ATF6: variants seen among roughly 807,000 people sequenced by gnomAD.
ATF6 encodes activating transcription factor 6.
ATF6 carries 53 observed loss-of-function variants against 83.6 expected under a neutral mutation model. That is an observed-to-expected ratio of 0.63 (90% CI 0.51 to 0.80). ATF6 has a LOEUF of 0.80. Ranked by LOEUF, ATF6 falls within the 30% of genes least tolerant of loss-of-function variation. The pLI, the probability that ATF6 is intolerant of heterozygous loss-of-function variation, is 0.00. For synonymous variants in ATF6, 288 were observed against 285.8 expected, an observed-to-expected ratio of 1.01 and a Z score of -0.08; for missense variants, 744 against 797.9, an observed-to-expected ratio of 0.93 and a Z score of 0.81.
At chr1:161,927,387 T>C (rs1688340171) in intron 15 of ATF6, among the ~76,000 whole-genome samples, 1 of 152,192 alleles carries the variant, frequency 6.6e-6, no homozygotes, top group Non-Finnish European at 1.5e-5. Context: ...CAGGCTGGTC[T>C]CAAACTCCTG....
chr1:161,781,907 T>C lies in ATF6; in HGVS notation c.160-5T>C. 6.3e-7 allele frequency: 1 copy of C among 1,592,404 alleles called. No homozygotes were observed. The highest frequency in any genetic ancestry group is 8.6e-7 in the Non-Finnish European group (1 of 1,164,944). ...AATATTCTTTTGCTGATTTGAAACCTACAGGAAAACAATTTTGATAATCTT... is the reference window on the plus strand; with the variant it reads ...AATATTCTTTTGCTGATTTGAAACCCACAGGAAAACAATTTTGATAATCTT... On this transcript the variant is annotated splice_polypyrimidine_tract_variant and splice_region_variant and intron_variant, in intron 2 of 15. Transcript: ENST00000367942.
At chr1:161,814,191 A>C (rs1685550532) in intron 7 of ATF6, among the ~76,000 whole-genome samples, 1 of 152,182 alleles carries the variant, frequency 6.6e-6, no homozygotes. Context: ...GCCTCCATCA[A>C]GTATTTCTGA....
At chr1:161,829,538 C>T (rs1462002179) in intron 9 of ATF6, among the ~76,000 whole-genome samples, 2 of 152,004 alleles carry the variant, frequency 1.3e-5, no homozygotes, top group Non-Finnish European at 2.9e-5. Flanking sequence ...TGATGAACAT[C>T]GATGAAAAAA....
intron 15 of ATF6, among the ~76,000 whole-genome samples, chr1:161,943,899 A>T (rs1214812361): frequency 6.6e-6 from 1 of 152,108 alleles, no homozygotes; most frequent in African/African-American, 2.4e-5. Flanking sequence ...CTCGCTTACC[A>T]TCTGCTCACT....
chr1:161,863,353 G>C (rs758589945), intron 14 of ATF6, 41 bp downstream of exon 14: 6 of 1,315,768 alleles, frequency 4.6e-6, no homozygotes, highest in Non-Finnish European at 5.5e-6. Flanking sequence ...ATTTTTGAGT[G>C]CTTGCCGTAC....
At chr1:161,830,179 G>C (rs939469922) in intron 9 of ATF6, among the ~76,000 whole-genome samples, 2 of 152,164 alleles carry the variant, frequency 1.3e-5, no homozygotes, top group African/African-American at 4.8e-5. Flanking sequence ...GCCAAATCAT[G>C]AGTGAACTCC....
chr1:161,795,387 A>G (rs1252385330), intron 6 of ATF6, among the ~76,000 whole-genome samples: 1 of 152,158 alleles, frequency 6.6e-6, no homozygotes, highest in Non-Finnish European at 1.5e-5. Flanking sequence ...TTCAAATAAT[A>G]TTTACACATT....
At chr1:161,944,708 T>A (rs1571255059) in intron 15 of ATF6, among the ~76,000 whole-genome samples, 1 of 152,322 alleles carries the variant, frequency 6.6e-6, no homozygotes, top group South Asian at 2.1e-4. Flanking sequence ...CTCTCACCAC[T>A]GCCTCCTCAG....
At chr1:161,811,405 A>G (rs951494185) in intron 7 of ATF6, among the ~76,000 whole-genome samples, 6 of 152,286 alleles carry the variant, frequency 3.9e-5, no homozygotes, top group Non-Finnish European at 8.8e-5. Context: ...TCCCTTGAGT[A>G]TGAGATCTAA....
intron 15 of ATF6, among the ~76,000 whole-genome samples, chr1:161,920,253 A>T (rs1038597201): frequency 1.3e-5 from 2 of 149,236 alleles, no homozygotes; most frequent in Non-Finnish European, 1.5e-5. Context: ...TTTAATTTTT[A>T]AAAAATACAT....
chr1:161,781,813 G>A, intron 2 of ATF6, 99 bp from the exon 3 acceptor site: 3 of 708,926 alleles, frequency 4.2e-6, no homozygotes, highest in Non-Finnish European at 7.0e-6. Context: ...TTGGCTAATA[G>A]CAGTTAAATT....
intron 10 of ATF6, among the ~76,000 whole-genome samples, chr1:161,848,618 A>G (rs1686537427): frequency 6.6e-6 from 1 of 152,160 alleles, no homozygotes; most frequent in Non-Finnish European, 1.5e-5. Flanking sequence ...AGTAATAATT[A>G]CATCAGAATA....
intron 9 of ATF6, among the ~76,000 whole-genome samples, chr1:161,836,926 C>G (rs917067754): frequency 1.3e-5 from 2 of 152,138 alleles, no homozygotes; most frequent in Non-Finnish European, 1.5e-5. Flanking sequence ...CGGTGAGAAA[C>G]TAGGCCAGGT....
intron 8 of ATF6, 40 bp downstream of exon 8, chr1:161,819,858 G>A: frequency 6.6e-7 from 1 of 1,510,290 alleles, no homozygotes; most frequent in Non-Finnish European, 8.9e-7. Context: ...ATGGGCTAAA[G>A]TATCCTCTGG....
At chr1:161,900,240 A>G (rs1687754970) in intron 14 of ATF6, among the ~76,000 whole-genome samples, 2 of 152,192 alleles carry the variant, frequency 1.3e-5, no homozygotes, top group Non-Finnish European at 2.9e-5. Flanking sequence ...ATAGCCAGAA[A>G]TATGCTGTAG....
intron 15 of ATF6, among the ~76,000 whole-genome samples, chr1:161,953,101 G>T (rs1359012996): frequency 6.6e-6 from 1 of 152,148 alleles, no homozygotes; most frequent in Non-Finnish European, 1.5e-5. Context: ...GAAACACTAA[G>T]TGTTTCTTAA....
intron 1 of ATF6, among the ~76,000 whole-genome samples, chr1:161,767,948 C>T (rs1452224996): frequency 1.3e-5 from 2 of 152,184 alleles, no homozygotes; most frequent in African/African-American, 4.8e-5. Context: ...CTCCGCCACT[C>T]GGGTTTGAGC....
chr1:161,820,868 A>G (rs548052568), intron 8 of ATF6, among the ~76,000 whole-genome samples: 1 of 151,640 alleles, frequency 6.6e-6, no homozygotes, highest in Admixed American at 6.6e-5. Flanking sequence ...CCTGCTGGAA[A>G]AGGGAACCTG....
At chr1:161,922,985 A>AGAGCCTCTTC (rs1688243686) in intron 15 of ATF6, among the ~76,000 whole-genome samples, 1 of 152,188 alleles carries the variant, frequency 6.6e-6, no homozygotes, top group South Asian at 2.1e-4. Flanking sequence ...TGTGGTGTCC[A>AGAGCCTCTTC]TGTCTTGGAT....
Sources: allele counts gnomAD v4.1 joint callset (sites outside exome capture counted in the v4.1 genomes callset), GRCh38; gene constraint gnomAD v4.1.1; transcripts MANE v1.5; gene names NCBI Gene and HGNC (gene_info 2026-07-23, HGNC 2026-07-21).